CTNNA3: variants seen among roughly 807,000 people sequenced by gnomAD.
The protein encoded by CTNNA3 is catenin alpha 3, also known as catenin alpha-3.
A neutral mutation model predicts 95.7 loss-of-function variants in CTNNA3; 76 were observed. That is an observed-to-expected ratio of 0.79 (90% CI 0.66 to 0.96). The LOEUF (loss-of-function observed/expected upper bound fraction) is 0.96, where lower values mean the gene tolerates loss of function less well. Among genes scored for constraint, CTNNA3 ranks in the 40% least tolerant of loss-of-function variants. The pLI is 0.00. For synonymous variants in CTNNA3, 431 were observed against 374.4 expected (o/e 1.15, Z -1.74); for missense variants, 1,191 against 1,089.8 (o/e 1.09, Z -1.31).
chr10:65,960,494 C>CTGGGTG (rs1564541755), intron 17 of CTNNA3, among the ~76,000 whole-genome samples: 1 of 151,884 alleles, frequency 6.6e-6, no homozygotes, highest in Admixed American at 6.6e-5. Flanking sequence ...CACTGCACTC[C>CTGGGTG]AGCCTGGGTG....
chr10:67,294,618 A>T (rs535039789), intron 5 of CTNNA3, among the ~76,000 whole-genome samples: 11 of 152,140 alleles, frequency 7.2e-5, no homozygotes, highest in Admixed American at 2.0e-4. Context: ...AATTCTAAAA[A>T]AGTGACTCCC....
intron 5 of CTNNA3, among the ~76,000 whole-genome samples, chr10:67,329,476 TA>T (rs1298502473): frequency 2.6e-5 from 4 of 152,344 alleles, no homozygotes; most frequent in Non-Finnish European, 5.9e-5. Flanking sequence ...TTGATACTTG[TA>T]AGTTGTATTC....
Position 67,258,230 on chromosome 10 carries a change from G to A in CTNNA3, c.580-38360C>T, listed in dbSNP as rs113217933. On this transcript the variant is annotated intron_variant, in intron 5 of 17. Transcript: ENST00000433211. ...TTGATTTTGGTTCATTGCAACCTCC[G>A]CCTCCCAGGTTCCAGCAATTCTCCT... 3.8e-3 allele frequency among the ~76,000 whole-genome samples: 585 copies of A among 152,134 alleles called. 7 individuals carry two copies. The highest frequency in any genetic ancestry group is 0.013 in the African/African-American group (558 of 41,494).
intron 9 of CTNNA3, among the ~76,000 whole-genome samples, chr10:66,623,696 T>C (rs1844831626): frequency 6.9e-6 from 1 of 145,474 alleles, no homozygotes; most frequent in Non-Finnish European, 1.5e-5. Flanking sequence ...AGAACTGTTC[T>C]GTCAAAGTTA....
chr10:67,085,170 C>T (rs1332796919), intron 7 of CTNNA3, among the ~76,000 whole-genome samples: 1 of 151,862 alleles, frequency 6.6e-6, no homozygotes, highest in Non-Finnish European at 1.5e-5. Context: ...TCAAGAATAA[C>T]ACCTCACATT....
chr10:66,696,931 G>T (rs1257866135), intron 9 of CTNNA3, among the ~76,000 whole-genome samples: 1 of 151,926 alleles, frequency 6.6e-6, no homozygotes, highest in Non-Finnish European at 1.5e-5. Flanking sequence ...AAGAAAGAAA[G>T]AAATACATAA....
At chr10:66,532,161 A>T (rs1451779604) in intron 10 of CTNNA3, among the ~76,000 whole-genome samples, 4 of 152,062 alleles carry the variant, frequency 2.6e-5, no homozygotes, top group African/African-American at 7.2e-5. Flanking sequence ...AGGTTGGCAA[A>T]AGTTAAAAAG....
intron 5 of CTNNA3, among the ~76,000 whole-genome samples, chr10:67,283,160 T>G (rs1488742927): frequency 2.0e-5 from 3 of 152,120 alleles, no homozygotes; most frequent in Non-Finnish European, 4.4e-5. Context: ...AGGTAGTTAG[T>G]GAGACACAAG....
At chr10:66,736,803 C>T (rs1344566388) in intron 9 of CTNNA3, among the ~76,000 whole-genome samples, 1 of 152,046 alleles carries the variant, frequency 6.6e-6, no homozygotes, top group South Asian at 2.1e-4. Flanking sequence ...TGTGGTCTTA[C>T]AATTTTTGAG....
chr10:67,381,733 T>C (rs1843954336), intron 5 of CTNNA3, among the ~76,000 whole-genome samples: 1 of 152,204 alleles, frequency 6.6e-6, no homozygotes, highest in Admixed American at 6.5e-5. Context: ...CATTTCTATA[T>C]AGGCACTTTC....
At chr10:66,579,091 A>T (rs1843101800) in intron 10 of CTNNA3, among the ~76,000 whole-genome samples, 1 of 151,374 alleles carries the variant, frequency 6.6e-6, no homozygotes, top group African/African-American at 2.4e-5. Flanking sequence ...GGAATTTATC[A>T]ATTTCTTTCA....
intron 5 of CTNNA3, among the ~76,000 whole-genome samples, chr10:67,226,521 A>G (rs1864923238): frequency 6.6e-6 from 1 of 152,222 alleles, no homozygotes; most frequent in Admixed American, 6.5e-5. Context: ...TTAACAGCAG[A>G]TTTCTCACCA....
At chr10:66,544,750 C>A in intron 10 of CTNNA3, among the ~76,000 whole-genome samples, 1 of 152,006 alleles carries the variant, frequency 6.6e-6, no homozygotes, top group East Asian at 1.9e-4. Flanking sequence ...TAAACAAAAG[C>A]TATCAGAAGA....
intron 1 of CTNNA3, among the ~76,000 whole-genome samples, chr10:67,678,251 C>A (rs1840568421): frequency 1.3e-5 from 2 of 150,806 alleles, no homozygotes; most frequent in South Asian, 2.1e-4. Flanking sequence ...AGTGAAATAC[C>A]CAAAAATGTA....
intron 5 of CTNNA3, among the ~76,000 whole-genome samples, chr10:67,514,325 CAGTT>C (rs1278849585): frequency 4.6e-5 from 7 of 152,026 alleles, no homozygotes; most frequent in Non-Finnish European, 1.0e-4. Context: ...TAAAATAAAA[CAGTT>C]AGGTTAGATG....
chr10:67,091,021 A>G (rs2131908998), intron 7 of CTNNA3, among the ~76,000 whole-genome samples: 1 of 152,216 alleles, frequency 6.6e-6, no homozygotes, highest in East Asian at 1.9e-4. Context: ...GGTATTTTCA[A>G]TCAAGAGTTT....
chr10:66,893,048 T>C (rs1845333710), intron 7 of CTNNA3, among the ~76,000 whole-genome samples: 1 of 152,136 alleles, frequency 6.6e-6, no homozygotes, highest in African/African-American at 2.4e-5. Context: ...GAGATGTTAC[T>C]ATACATGGTA....
intron 7 of CTNNA3, among the ~76,000 whole-genome samples, chr10:67,178,602 G>C (rs1862354224): frequency 6.6e-6 from 1 of 152,002 alleles, no homozygotes; most frequent in Non-Finnish European, 1.5e-5. Context: ...ATGTGGGTAA[G>C]TGTGCACATG....
At chr10:66,515,725 TGA>T (rs941749333) in intron 11 of CTNNA3, among the ~76,000 whole-genome samples, 2 of 151,916 alleles carry the variant, frequency 1.3e-5, no homozygotes, top group African/African-American at 4.8e-5. Flanking sequence ...GGAAGGAGAA[TGA>T]GAGCCCAGTG....
Sources: gnomAD v4.1 joint callset for allele counts (sites outside exome capture counted in the v4.1 genomes callset) on GRCh38, gnomAD v4.1.1 for gene constraint, MANE v1.5 for transcripts, NCBI Gene and HGNC (gene_info 2026-07-23, HGNC 2026-07-21) for gene names.